Variants in SLC9A5 observed in about 807,000 individuals in gnomAD.
SLC9A5 encodes solute carrier family 9 member A5.
In SLC9A5, 52 loss-of-function variants were observed where a neutral mutation model predicts 91.7. That is an observed-to-expected ratio of 0.57 (90% CI 0.45 to 0.71). The LOEUF (loss-of-function observed/expected upper bound fraction) is 0.71. SLC9A5 is among the 30% of genes least tolerant of loss of function. The pLI is 0.00. For synonymous variants in SLC9A5, 419 were observed against 474.5 expected (o/e 0.88, Z 1.52); for missense variants, 871 against 1,158.9 (o/e 0.75, Z 3.61).
chr16:67,259,984 AGGT>A, intron 12 of SLC9A5, 38 bp downstream of exon 12: 1 of 1,602,584 alleles, frequency 6.2e-7, no homozygotes, highest in Non-Finnish European at 8.5e-7. Context: ...GAGGGGGTGG[AGGT>A]GGTCTGAGGA....
At chr16:67,269,001 T>G (rs2035835533) in intron 15 of SLC9A5, among the ~76,000 whole-genome samples, 2 of 151,714 alleles carry the variant, frequency 1.3e-5, no homozygotes, top group Admixed American at 1.3e-4. Flanking sequence ...AACCCCCTAC[T>G]TTTTTTTCTT....
At chr16:67,259,361 C>CAAAA (rs764650700) in intron 10 of SLC9A5, among the ~76,000 whole-genome samples, 1 of 43,386 alleles carries the variant, frequency 2.3e-5, no homozygotes. Context: ...GACTCTGTCT[C>CAAAA]AAAAAAAAAA....
At chr16:67,266,273 CCT>C in intron 15 of SLC9A5, 48 bp downstream of exon 15, 1 of 1,534,118 alleles carries the variant, frequency 6.5e-7, no homozygotes, top group Non-Finnish European at 8.8e-7. Context: ...AAGCTGGTTT[CCT>C]CTCTCTTCAC....
rs761876313 is a variant in SLC9A5 at position 67,256,661 on chromosome 16, C to A, written c.1104C>A (p.Leu368=). ...AWDSGLVLGT[L]IFILFFRALG... ...ATTCTGGGCTGGTGCTGGGCACCCT[C>A]ATCTTCATCCTGTTCTTCCGAGCCC... is the stretch of plus-strand genomic sequence containing the variant. The change falls in exon 6 of 16, where the codon CTC becomes CTA. Residue 368 remains leucine (L), a synonymous_variant. Coordinates refer to ENST00000299798, the MANE Select transcript of SLC9A5 (RefSeq NM_004594.3). This position sits in a 1 kb window ranked among gnomAD's most constrained non-coding sequence, Gnocchi z 4.1. 1 of 1,613,572 alleles carries A rather than the reference C, an allele frequency of 6.2e-7. No homozygotes were observed.
chr16:67,270,924 C>G lies in SLC9A5; in HGVS notation c.2405C>G (p.Ala802Gly). The G allele has an allele frequency of 6.2e-7, 1 of 1,614,104 alleles. No homozygotes were observed. Among genetic ancestry groups the G allele is most frequent in the South Asian group, 1.1e-5 (1 of 91,072 alleles). ...NQSISSLESL[A>G]SPPCNQAPIL... ...AGCATCTCATCCCTGGAGAGCCTAGCGTCCCCTCCCTGTAACCAGGCCCCA... is the reference window on the plus strand; with the variant it reads ...AGCATCTCATCCCTGGAGAGCCTAGGGTCCCCTCCCTGTAACCAGGCCCCA... Residue 802 changes from alanine (A) to glycine (G), a missense_variant, in exon 16 of 16, where the codon GCG becomes GGG. By Grantham distance (60) the Ala-to-Gly change is moderately conservative (BLOSUM62 0). Coordinates refer to ENST00000299798, the MANE Select transcript of SLC9A5 (RefSeq NM_004594.3). The surrounding 1 kb of genome is among the most constrained non-coding windows in gnomAD (Gnocchi z 4.3).
At position 67,270,899 on chromosome 16, in the gene SLC9A5, A is replaced by T. The variant is rs758508890; in HGVS notation, c.2380A>T (p.Ser794Cys). 1.9e-6 allele frequency: 3 copies of T among 1,613,888 alleles called. No individual in the cohort carries two copies. The highest frequency in any genetic ancestry group is 2.7e-5 in the African/African-American group (2 of 74,852). Residue 794 changes from serine (S) to cysteine (C), a missense_variant, in exon 16 of 16, where the codon AGC becomes TGC. Physicochemically the swap from Ser to Cys is moderately radical, Grantham distance 112. Transcript: ENST00000299798. The surrounding 1 kb of genome is among the most constrained non-coding windows in gnomAD (Gnocchi z 4.3). ...GGACATGCAGACGGGTTGGAACCAG[A>T]GCATCTCATCCCTGGAGAGCCTAGC... ...PVDMQTGWNQ[S>C]ISSLESLASP...
In SLC9A5 at chr16:67,264,493, C is replaced by A; in HGVS notation, c.1984C>A (p.Pro662Thr). The stretch of plus-strand genomic sequence containing the variant: ...CAACATCTGCTTCACCAAGAGCAAG[C>A]CACGACCCCGCAAGACTGGCCGCAG... Reference protein sequence around the residue: ...KHNICFTKSKPRPRKTGRRKK... With the variant: ...KHNICFTKSKTRPRKTGRRKK... The change falls in exon 13 of 16, where the codon CCA becomes ACA. Residue 662 changes from proline to threonine, a missense_variant. Physicochemically the swap from Pro to Thr is conservative, Grantham distance 38 (BLOSUM62 -1). Transcript: ENST00000299798. 1 of 1,614,196 alleles carries A rather than the reference C, an allele frequency of 6.2e-7. No individual in the cohort carries two copies. Among genetic ancestry groups the A allele is most frequent in the Non-Finnish European group, 8.5e-7 (1 of 1,180,032 alleles).
chr16:67,256,423 C>T lies in SLC9A5; in HGVS notation c.912-46C>T. On this transcript the variant is annotated intron_variant, in intron 5 of 15. Coordinates refer to ENST00000299798, the MANE Select transcript of SLC9A5 (RefSeq NM_004594.3). This position sits in a 1 kb window ranked among gnomAD's most constrained non-coding sequence, Gnocchi z 4.1. The stretch of plus-strand genomic sequence containing the variant: ...ATGCTCAAACCCTGGAGGCTGAGCC[C>T]CCTGGAACCCTTCCCCACTTGCCAT... The T allele has an allele frequency of 7.2e-7, 1 of 1,381,714 alleles. No homozygotes were observed. The highest frequency in any genetic ancestry group is 1.0e-6 in the Non-Finnish European group (1 of 980,160). 85.6% of individuals were successfully genotyped at this position (1,381,714 alleles called of 1,614,324 possible). A position where few individuals can be genotyped will look rare whatever the true frequency, so the allele number is the denominator to read the frequency against.
intron 15 of SLC9A5, among the ~76,000 whole-genome samples, chr16:67,269,361 G>C (rs1387112434): frequency 6.6e-6 from 1 of 152,170 alleles, no homozygotes; most frequent in Non-Finnish European, 1.5e-5. Flanking sequence ...GAACCTGAGA[G>C]GTGGAGACTG....
At position 67,252,507 on chromosome 16, in the gene SLC9A5, A is replaced by G. The variant is rs767598881; in HGVS notation, c.188-35A>G. On this transcript the variant is annotated intron_variant, in intron 1 of 15. Coordinates refer to ENST00000299798, the MANE Select transcript of SLC9A5 (RefSeq NM_004594.3). This position sits in a 1 kb window ranked among gnomAD's most constrained non-coding sequence, Gnocchi z 4.0. ...GCCTGTGTGTGGGAGGATATTCCATAAACTGATCCATCCTGCACTCTTTTT... is the reference window on the plus strand; with the variant it reads ...GCCTGTGTGTGGGAGGATATTCCATGAACTGATCCATCCTGCACTCTTTTT... 1.0e-5 allele frequency: 16 copies of G among 1,568,938 alleles called. No homozygotes were observed. The highest frequency in any genetic ancestry group is 8.1e-5 in the African/African-American group (6 of 73,830).
At chr16:67,253,819 G>A (rs1199289076) in intron 2 of SLC9A5, among the ~76,000 whole-genome samples, 2 of 152,170 alleles carry the variant, frequency 1.3e-5, no homozygotes, top group South Asian at 4.1e-4. Context: ...CACCACGCCT[G>A]GCCCCAGGTC....
In SLC9A5 at chr16:67,259,613, C is replaced by T; in HGVS notation, c.1667C>T (p.Ser556Phe). The change falls in exon 11 of 16, where the codon TCT (serine) becomes TTT (phenylalanine). Residue 556 changes from serine (S) to phenylalanine (F), a missense_variant. By Grantham distance (155) the Ser-to-Phe change is radical. Coordinates refer to ENST00000299798, the MANE Select transcript of SLC9A5 (RefSeq NM_004594.3). ...VLSSTGLTLP[S>F]MPSRNSVAET... is the part of the protein sequence containing the mutation. ...TCTTCCACAGGTCTCACTCTGCCTTCTATGCCCAGCCGCAATTCTGTGGCA... is the reference window on the plus strand; with the variant it reads ...TCTTCCACAGGTCTCACTCTGCCTTTTATGCCCAGCCGCAATTCTGTGGCA... 6.2e-7 allele frequency: 1 copy of T among 1,614,186 alleles called. No homozygotes were observed. Among genetic ancestry groups the T allele is most frequent in the Non-Finnish European group, 8.5e-7 (1 of 1,180,040 alleles).
intron 12 of SLC9A5, chr16:67,262,191 C>A (rs1364662606): frequency 1.1e-5 from 5 of 439,534 alleles, no homozygotes; most frequent in Non-Finnish European, 2.3e-5. Flanking sequence ...TCATCCAAAT[C>A]CACATAAACA....
rs1288591843 is a variant in SLC9A5 at position 67,255,398 on chromosome 16, G to A, written c.660G>A (p.Leu220=). Residue 220 remains leucine, a synonymous_variant, in exon 4 of 16, where the codon CTG becomes CTA. Transcript: ENST00000299798. This position sits in a 1 kb window ranked among gnomAD's most constrained non-coding sequence, Gnocchi z 4.9. The part of the protein sequence containing the change: ...SLLNDAVTVV[L]YKVCNSFVEM... Reference sequence around the variant, plus strand: ...ACTCTCCTCTTCTCGCTCAGGTGCTGTACAAGGTCTGCAACTCCTTTGTGG... The same window carrying A: ...ACTCTCCTCTTCTCGCTCAGGTGCTATACAAGGTCTGCAACTCCTTTGTGG... The A allele has an allele frequency of 6.2e-7, 1 of 1,613,346 alleles. No individual in the cohort carries two copies. Among genetic ancestry groups the A allele is most frequent in the Non-Finnish European group, 8.5e-7 (1 of 1,179,420 alleles).
In SLC9A5 at chr16:67,252,867, C is replaced by G. The variant is rs765920583; in HGVS notation, c.490+23C>G. 5 of 1,594,974 alleles carry G rather than the reference C, an allele frequency of 3.1e-6. No individual in the cohort carries two copies. The highest frequency in any genetic ancestry group is 4.5e-5 in the East Asian group (2 of 44,682). ...TAGGTGAGTGACCCTAAGACCTGGG[C>G]TTTGCCAGACCCATCACCCCTCTCC... On this transcript the variant is annotated intron_variant, in intron 2 of 15. Coordinates refer to ENST00000299798, the MANE Select transcript of SLC9A5 (RefSeq NM_004594.3). This position sits in a 1 kb window ranked among gnomAD's most constrained non-coding sequence, Gnocchi z 4.0.
chr16:67,253,539 T>G (rs2035206892), intron 2 of SLC9A5, among the ~76,000 whole-genome samples: 1 of 152,178 alleles, frequency 6.6e-6, no homozygotes, highest in Non-Finnish European at 1.5e-5. Context: ...TTGCTTGTTT[T>G]TTTGAGATGG....
rs756494961 is a variant in SLC9A5, at chr16:67,259,581, C to T, written c.1635C>T (p.His545=). The change falls in exon 11 of 16, where the codon CAC becomes CAT. Residue 545 remains histidine, a synonymous_variant. Transcript: ENST00000299798. ...GGTCTTGACACCTGCAGGGAGGCCACGTCTTGTCTTCCACAGGTCTCACTC... is the reference window on the plus strand; with the variant it reads ...GGTCTTGACACCTGCAGGGAGGCCATGTCTTGTCTTCCACAGGTCTCACTC... ...DAISFVDQGG[H]VLSSTGLTLP... is the part of the protein sequence containing the mutation. 5.6e-6 allele frequency: 9 copies of T among 1,613,994 alleles called. No individual in the cohort carries two copies. Among genetic ancestry groups the T allele is most frequent in the Middle Eastern group, 1.6e-4 (1 of 6,062 alleles).
At chr16:67,254,755 G>C (rs2035248227) in intron 2 of SLC9A5, among the ~76,000 whole-genome samples, 1 of 152,218 alleles carries the variant, frequency 6.6e-6, no homozygotes, top group Non-Finnish European at 1.5e-5. Context: ...GAGGCAGGCA[G>C]ATGAGGAGGC....
Position 67,256,861 on chromosome 16 carries a change from C to T in SLC9A5, c.1133-50C>T, listed in dbSNP as rs1378330491. On this transcript the variant is annotated intron_variant, in intron 6 of 15. Coordinates refer to ENST00000299798, the MANE Select transcript of SLC9A5 (RefSeq NM_004594.3). This position sits in a 1 kb window ranked among gnomAD's most constrained non-coding sequence, Gnocchi z 4.1. ...AGATACTTGGTCCCATCCGGTCCCACGTCCTCCACTCCCAACGCTTTGCTC... is the reference window on the plus strand; with the variant it reads ...AGATACTTGGTCCCATCCGGTCCCATGTCCTCCACTCCCAACGCTTTGCTC... The T allele has an allele frequency of 1.3e-6, 2 of 1,576,408 alleles. No homozygotes were observed. Among genetic ancestry groups the T allele is most frequent in the Non-Finnish European group, 1.7e-6 (2 of 1,149,634 alleles).
Sources: gnomAD v4.1 joint callset for allele counts (sites outside exome capture counted in the v4.1 genomes callset) on GRCh38, gnomAD v4.1.1 for gene constraint, Gnocchi (gnomAD v3.1) non-coding constraint, MANE v1.5 for transcripts, NCBI Gene and HGNC (gene_info 2026-07-23, HGNC 2026-07-21) for gene names.